PDE1A: variants seen among roughly 807,000 people sequenced by gnomAD.
The protein encoded by PDE1A is dual specificity calcium/calmodulin-dependent 3',5'-cyclic nucleotide phosphodiesterase 1A.
PDE1A carries 35 observed loss-of-function variants against 61.7 expected under a neutral mutation model. That is an observed-to-expected ratio of 0.57 (90% CI 0.43 to 0.75). PDE1A has a LOEUF of 0.75. Among genes scored for constraint, PDE1A ranks in the 30% least tolerant of loss-of-function variants. The pLI is 0.00. For synonymous variants in PDE1A, 232 were observed against 213.2 expected (o/e 1.09, Z -0.77); for missense variants, 597 against 630.6 (o/e 0.95, Z 0.57).
intron 13 of PDE1A, among the ~76,000 whole-genome samples, chr2:182,158,518 A>C (rs947713238): frequency 6.6e-6 from 1 of 152,186 alleles, no homozygotes; most frequent in East Asian, 1.9e-4. Context: ...AGTCTCATCT[A>C]AGATGGAAGG....
At chr2:182,217,739 G>C in intron 7 of PDE1A, among the ~76,000 whole-genome samples, 2 of 140,190 alleles carry the variant, frequency 1.4e-5, no homozygotes, top group African/African-American at 5.5e-5. Context: ...ATACCAGTTA[G>C]AATGGCGATC....
At chr2:182,502,071 C>A (rs1476138576) in intron 2 of PDE1A, among the ~76,000 whole-genome samples, 1 of 152,184 alleles carries the variant, frequency 6.6e-6, no homozygotes, top group Non-Finnish European at 1.5e-5. Context: ...CTGTCCTCAG[C>A]CACACTCCTC....
At chr2:182,368,382 G>A (rs711806) in intron 1 of PDE1A, among the ~76,000 whole-genome samples, 1,596 of 112,730 alleles carry the variant, frequency 0.014, 29 homozygotes, top group African/African-American at 0.049. Flanking sequence ...ATAAGTTTAT[G>A]AAGTCTCCTT....
At chr2:182,673,989 C>CATATATATATATATAT in the PDE1A span, among the ~76,000 whole-genome samples, 1 of 135,262 alleles carries the variant, frequency 7.4e-6, no homozygotes. Context: ...AATATAACTT[C>CATATATATATATATAT]ATATATATAT....
chr2:182,327,063 T>C (rs1430762171), intron 1 of PDE1A, among the ~76,000 whole-genome samples: 1 of 152,322 alleles, frequency 6.6e-6, no homozygotes, highest in African/African-American at 2.4e-5. Flanking sequence ...TTATTGAATA[T>C]CTAGCTGACT....
At chr2:182,641,512 G>A in the PDE1A span, among the ~76,000 whole-genome samples, 6 of 152,042 alleles carry the variant, frequency 3.9e-5, no homozygotes, top group Admixed American at 6.6e-5. Context: ...TTTTAACTAA[G>A]AGCAAACCAC....
chr2:182,293,053 A>G (rs10931000), intron 1 of PDE1A, among the ~76,000 whole-genome samples: 22,819 of 152,062 alleles, frequency 0.15, 2,236 homozygotes, highest in East Asian at 0.37. Context: ...AATTTCAACA[A>G]ATGTATAGAT....
At chr2:182,201,333 T>G in intron 10 of PDE1A, 106 bp downstream of exon 10, 1 of 1,388,252 alleles carries the variant, frequency 7.2e-7, no homozygotes, top group Middle Eastern at 2.6e-4. Flanking sequence ...AGGTGGCCAG[T>G]TGATAATAGT....
chr2:182,291,927 C>G (rs1448748407), intron 1 of PDE1A, among the ~76,000 whole-genome samples: 1 of 152,020 alleles, frequency 6.6e-6, no homozygotes, highest in Non-Finnish European at 1.5e-5. Flanking sequence ...TTCCCCTCCC[C>G]TAAATATCGT....
the PDE1A span, among the ~76,000 whole-genome samples, chr2:182,635,653 C>T: frequency 6.8e-6 from 1 of 147,398 alleles, no homozygotes; most frequent in African/African-American, 2.5e-5. Context: ...ATTTATGGAT[C>T]ACTTTGTTTT....
chr2:182,262,564 C>T (rs1381450472), intron 2 of PDE1A, among the ~76,000 whole-genome samples: 1 of 152,158 alleles, frequency 6.6e-6, no homozygotes, highest in Non-Finnish European at 1.5e-5. Flanking sequence ...CCACTGTGCC[C>T]AGCCTGTTTC....
chr2:182,669,689 G>A, the PDE1A span, among the ~76,000 whole-genome samples: 1 of 152,098 alleles, frequency 6.6e-6, no homozygotes, highest in Non-Finnish European at 1.5e-5. Flanking sequence ...TATTCGCACA[G>A]CTCTTGACTG....
intron 13 of PDE1A, among the ~76,000 whole-genome samples, chr2:182,148,282 G>A (rs541230882): frequency 5.3e-5 from 8 of 152,058 alleles, no homozygotes; most frequent in Non-Finnish European, 1.2e-4. Flanking sequence ...GTGTGTGGAG[G>A]GGGGTGGGGT....
chr2:182,296,816 T>G (rs1405065904), intron 1 of PDE1A, among the ~76,000 whole-genome samples: 1 of 152,218 alleles, frequency 6.6e-6, no homozygotes, highest in Admixed American at 6.5e-5. Context: ...CTCACTCATG[T>G]TGAGTACACA....
the PDE1A span, among the ~76,000 whole-genome samples, chr2:182,590,836 T>TTGCACTGG: frequency 6.6e-6 from 1 of 152,198 alleles, no homozygotes; most frequent in Non-Finnish European, 1.5e-5. Context: ...TTGCACCCAC[T>TTGCACTGG]AATTTGCACT....
At chr2:182,309,001 G>A (rs1403112930) in intron 1 of PDE1A, among the ~76,000 whole-genome samples, 1 of 149,994 alleles carries the variant, frequency 6.7e-6, no homozygotes, top group Non-Finnish European at 1.5e-5. Flanking sequence ...TATTAGTAAG[G>A]TTATGAAATA....
intron 2 of PDE1A, among the ~76,000 whole-genome samples, chr2:182,446,804 C>A (rs1479437501): frequency 1.3e-5 from 2 of 151,884 alleles, no homozygotes; most frequent in Admixed American, 1.3e-4. Context: ...TGATTAGAAT[C>A]CCAGCTCCTC....
chr2:182,547,800 A>G, the PDE1A span, among the ~76,000 whole-genome samples: 3 of 152,230 alleles, frequency 2.0e-5, no homozygotes, highest in African/African-American at 7.2e-5. Flanking sequence ...ATACTAATAT[A>G]TTTATCAATT....
intron 1 of PDE1A, among the ~76,000 whole-genome samples, chr2:182,423,120 A>G (rs1286829326): frequency 6.6e-6 from 1 of 152,196 alleles, no homozygotes; most frequent in African/African-American, 2.4e-5. Context: ...CATGATAGCC[A>G]TAAAGGAGAT....
Sources: allele counts gnomAD v4.1 joint callset (sites outside exome capture counted in the v4.1 genomes callset), GRCh38; gene constraint gnomAD v4.1.1; transcripts MANE v1.5; gene names NCBI Gene and HGNC (gene_info 2026-07-23, HGNC 2026-07-21).